The following MTCH2 variants were observed in gnomAD, a reference collection of about 807,000 sequenced individuals.
MTCH2 encodes the protein mitochondrial carrier homolog 2.
Under a neutral mutation model 50.6 loss-of-function variants are expected in MTCH2, and 25 were observed. The ratio of observed to expected loss-of-function variants is 0.49; its 90% CI spans 0.36 to 0.69. The LOEUF (loss-of-function observed/expected upper bound fraction) is 0.69, where lower values mean the gene tolerates loss of function less well. Ranked by LOEUF, MTCH2 falls within the 30% of genes least tolerant of loss-of-function variation. The pLI is 0.00. For missense variants in MTCH2, 273 were observed against 384.4 expected (o/e 0.71, Z 2.42); for synonymous variants, 106 against 132.0 (o/e 0.80, Z 1.35).
At position 47,632,508 on chromosome 11, in the gene MTCH2, C is replaced by T. The variant is rs185904572; in HGVS notation, c.370-797G>A. 3.2e-4 allele frequency among the ~76,000 whole-genome samples: 49 copies of T among 152,094 alleles called. 2 individuals carry two copies. The highest frequency in any genetic ancestry group is 1.8e-3 in the Admixed American group (28 of 15,260). ...AGCTGGGACTACAGGCACCCGCCAT[C>T]ATGCCCGGCTAATTTTTTTTCTTTG... On this transcript the variant is annotated intron_variant, in intron 5 of 12. Transcript: ENST00000302503.
At chr11:47,640,448 C>A (rs555148788) in intron 1 of MTCH2, among the ~76,000 whole-genome samples, 30 of 152,146 alleles carry the variant, frequency 2.0e-4, no homozygotes, top group African/African-American at 7.0e-4. Flanking sequence ...CAGAGTTTCG[C>A]TCTTGTCGCC....
At chr11:47,637,460 T>TTC (rs1274582005) in intron 3 of MTCH2, among the ~76,000 whole-genome samples, 1 of 152,172 alleles carries the variant, frequency 6.6e-6, no homozygotes, top group East Asian at 1.9e-4. Flanking sequence ...TCGCCTCACT[T>TTC]TCTCCTTTGT....
chr11:47,620,291 A>AAAAAAAC (rs532839670), intron 12 of MTCH2, among the ~76,000 whole-genome samples: 1 of 152,036 alleles, frequency 6.6e-6, no homozygotes, highest in African/African-American at 2.4e-5. Flanking sequence ...AATAAAATTA[A>AAAAAAAC]AAAAAACAAA....
downstream of MTCH2, among the ~76,000 whole-genome samples, chr11:47,615,281 A>G (rs1202511054): frequency 6.6e-6 from 1 of 152,114 alleles, no homozygotes; most frequent in African/African-American, 2.4e-5. Context: ...GTTTTAAAGG[A>G]CTAAATATAT....
At chr11:47,625,489 C>A (rs901494392) in intron 11 of MTCH2, among the ~76,000 whole-genome samples, 185 bp downstream of exon 11, 10 of 151,098 alleles carry the variant, frequency 6.6e-5, no homozygotes, top group Non-Finnish European at 1.2e-4. Flanking sequence ...CTGCATAGGG[C>A]ATACAAAGAA....
intron 5 of MTCH2, 90 bp from the exon 6 acceptor site, chr11:47,631,801 G>C (rs1021192845): frequency 1.4e-6 from 2 of 1,394,360 alleles, no homozygotes; most frequent in Non-Finnish European, 2.0e-6. Flanking sequence ...CGTGGTATAG[G>C]ATAAGAAAGT....
chr11:47,639,167 A>G, intron 1 of MTCH2, 116 bp from the exon 2 acceptor site: 1 of 887,064 alleles, frequency 1.1e-6, no homozygotes, highest in Non-Finnish European at 1.7e-6. Context: ...GTAAAAATGC[A>G]GCATAGGTTT....
intron 4 of MTCH2, 102 bp from the exon 5 acceptor site, chr11:47,634,836 A>T (rs1255608569): frequency 1.4e-6 from 1 of 728,584 alleles, no homozygotes; most frequent in Non-Finnish European, 2.1e-6. Context: ...GCAGTGGCAC[A>T]ATCTCGGCTC....
At chr11:47,626,750 T>C (rs1374589250) in intron 10 of MTCH2, among the ~76,000 whole-genome samples, 2 of 152,022 alleles carry the variant, frequency 1.3e-5, no homozygotes, top group Non-Finnish European at 2.9e-5. Context: ...GTAGCTGGGA[T>C]TACAGGCATG....
intron 1 of MTCH2, 58 bp from the exon 2 acceptor site, chr11:47,639,109 T>C (rs1442556557): frequency 6.9e-7 from 1 of 1,444,216 alleles, no homozygotes; most frequent in Non-Finnish European, 9.6e-7. Context: ...ATGTCTTGCT[T>C]GCAAGGTCTT....
chr11:47,626,523 A>C (rs1285242836), intron 10 of MTCH2, among the ~76,000 whole-genome samples: 2 of 152,118 alleles, frequency 1.3e-5, no homozygotes, highest in Non-Finnish European at 2.9e-5. Flanking sequence ...AAAGCTAAGC[A>C]GTACCAAACC....
intron 11 of MTCH2, among the ~76,000 whole-genome samples, chr11:47,625,248 C>T (rs1298872511): frequency 6.6e-6 from 1 of 151,732 alleles, no homozygotes; most frequent in Non-Finnish European, 1.5e-5. Context: ...TGGTGAAACC[C>T]TGTCTCTACC....
chr11:47,633,551 C>T (rs1220611294), intron 5 of MTCH2, among the ~76,000 whole-genome samples: 346 of 26,622 alleles, frequency 0.013, no homozygotes, highest in African/African-American at 0.051. Context: ...TTTTTTTTTT[C>T]TTGAGATGGA....
chr11:47,635,571 G>C lies in MTCH2; in HGVS notation c.280C>G (p.His94Asp). ...GTVVHGKVLQHYQESDKGEEL... is the reference protein window; with the variant it reads ...GTVVHGKVLQDYQESDKGEEL... ...TCACCCTTGTCACTCTCCTGGTAAT[G>C]CTATAGAAAAAAAGAAAAAGGATGA... The change falls in exon 4 of 13, where the codon CAT (histidine) becomes GAT (aspartate). Residue 94 changes from histidine to aspartate, a missense_variant and splice_region_variant. Transcript: ENST00000302503. The C allele has an allele frequency of 6.2e-7, 1 of 1,612,398 alleles. No homozygotes were observed. Among genetic ancestry groups the C allele is most frequent in the South Asian group, 1.1e-5 (1 of 91,044 alleles).
the MTCH2 span, among the ~76,000 whole-genome samples, chr11:47,607,884 T>C: frequency 6.6e-6 from 1 of 152,222 alleles, no homozygotes; most frequent in Non-Finnish European, 1.5e-5. Flanking sequence ...GAGCATACAA[T>C]GTTGATCCTT....
At chr11:47,636,025 G>A (rs912310592) in intron 3 of MTCH2, among the ~76,000 whole-genome samples, 13 of 152,038 alleles carry the variant, frequency 8.6e-5, no homozygotes, top group Admixed American at 2.0e-4. Flanking sequence ...CTCTTAGGGA[G>A]GCTGGGGCAG....
chr11:47,625,420 C>T (rs2097297077), intron 11 of MTCH2, among the ~76,000 whole-genome samples: 1 of 10,278 alleles, frequency 9.7e-5, no homozygotes. Context: ...AAGACTCCAT[C>T]TCAAAAAAAA....
In MTCH2 at chr11:47,638,785, C is replaced by T. The variant is rs370973631; in HGVS notation, c.193G>A (p.Asp65Asn). ...CCTGTGAACAACCCGCGCCTCCCAT[C>T]GATACTGGCAATGTGCTGAGCTAAG... is the stretch of plus-strand genomic sequence containing the variant. ...FSYAQHIASI[D>N]GRRGLFTGLT... Residue 65 changes from aspartate to asparagine, a missense_variant, in exon 3 of 13, where the codon GAT becomes AAT. Physicochemically the swap from Asp to Asn is conservative, Grantham distance 23. This residue lies in a region of MTCH2 where 203 missense variants were observed against 244.3 expected (regional missense o/e 0.83). Transcript: ENST00000302503. The T allele has an allele frequency of 3.7e-6, 6 of 1,614,048 alleles. No individual in the cohort carries two copies. Among genetic ancestry groups the T allele is most frequent in the East Asian group, 2.2e-5 (1 of 44,874 alleles).
downstream of MTCH2, among the ~76,000 whole-genome samples, chr11:47,616,676 T>C (rs574097044): frequency 5.3e-5 from 8 of 151,340 alleles, no homozygotes; most frequent in East Asian, 1.4e-3. Flanking sequence ...GTGTTTCTTT[T>C]TTTTTCTTTT....
Sources: gnomAD v4.1 joint callset for allele counts (sites outside exome capture counted in the v4.1 genomes callset) on GRCh38, gnomAD v4.1.1 for gene constraint, gnomAD v4.1.1 regional missense constraint, MANE v1.5 for transcripts, NCBI Gene and HGNC (gene_info 2026-07-23, HGNC 2026-07-21) for gene names.